ENOX1: variants seen among roughly 807,000 people sequenced by gnomAD.
The protein encoded by ENOX1 is candidate growth-related and time keeping constitutive hydroquinone (NADH) oxidase.
A neutral mutation model predicts 82.5 loss-of-function variants in ENOX1; 42 were observed. The observed-to-expected ratio is 0.51, with a 90% CI of 0.40 to 0.66. The LOEUF is 0.66. ENOX1 is among the 30% of genes least tolerant of loss of function. The pLI is 0.00. For missense variants in ENOX1, 608 were observed against 811.6 expected (o/e 0.75, Z 3.05); for synonymous variants, 271 against 282.2 (o/e 0.96, Z 0.40).
At chr13:43,603,711 A>G (rs973486268) in intron 2 of ENOX1, among the ~76,000 whole-genome samples, 7 of 127,872 alleles carry the variant, frequency 5.5e-5, no homozygotes, top group African/African-American at 2.3e-4. Flanking sequence ...TACAAAGGAC[A>G]TGAACTCATC....
chr13:43,610,326 T>G (rs553887697), intron 2 of ENOX1, among the ~76,000 whole-genome samples: 1 of 152,322 alleles, frequency 6.6e-6, no homozygotes, highest in Admixed American at 6.5e-5. Context: ...TGTATTCAAC[T>G]GTGTATGCTT....
intron 2 of ENOX1, among the ~76,000 whole-genome samples, chr13:43,608,818 T>A (rs1041464832): frequency 5.3e-5 from 8 of 152,162 alleles, no homozygotes; most frequent in Non-Finnish European, 8.8e-5. Context: ...GGTATACAGG[T>A]AGCAACAGCT....
Position 43,459,764 on chromosome 13 carries a change from C to T in ENOX1, c.-75+24245G>A, listed in dbSNP as rs539303599. ...ATCCCAGCACTTTGGGAGGCTGAGACGGGTGGATCACGAGGTCAGGAGTCT... is the reference window on the plus strand; with the variant it reads ...ATCCCAGCACTTTGGGAGGCTGAGATGGGTGGATCACGAGGTCAGGAGTCT... On this transcript the variant is annotated intron_variant, in intron 3 of 16. Coordinates refer to ENST00000690772, the MANE Select transcript of ENOX1 (RefSeq NM_001347969.2). Among the ~76,000 whole-genome samples, 785 of 152,216 alleles carry T rather than the reference C, an allele frequency of 5.2e-3. 3 individuals carry two copies. Among genetic ancestry groups the T allele is most frequent in the Non-Finnish European group, 7.8e-3 (528 of 67,998 alleles).
At chr13:43,686,747 G>T (rs1013941980) in intron 1 of ENOX1, among the ~76,000 whole-genome samples, 1 of 152,170 alleles carries the variant, frequency 6.6e-6, no homozygotes, top group South Asian at 2.1e-4. Context: ...GGTCAGGGAG[G>T]GGTGGTGACA....
chr13:43,421,728 T>C (rs2054987401), intron 3 of ENOX1, among the ~76,000 whole-genome samples: 1 of 152,086 alleles, frequency 6.6e-6, no homozygotes, highest in Admixed American at 6.6e-5. Context: ...CTCTATCATG[T>C]CTCTAATAAA....
chr13:43,224,502 T>C (rs2041938072), intron 15 of ENOX1, among the ~76,000 whole-genome samples: 1 of 152,224 alleles, frequency 6.6e-6, no homozygotes, highest in Non-Finnish European at 1.5e-5. Flanking sequence ...TTTCTTTCCC[T>C]CAGTGGACTT....
chr13:43,579,953 C>A (rs187179535), intron 2 of ENOX1, among the ~76,000 whole-genome samples: 2 of 152,196 alleles, frequency 1.3e-5, no homozygotes, highest in Non-Finnish European at 2.9e-5. Context: ...CAGATGCCCA[C>A]CAATACAGCC....
chr13:43,774,942 C>T (rs1951831420), intron 1 of ENOX1, among the ~76,000 whole-genome samples: 2 of 152,068 alleles, frequency 1.3e-5, no homozygotes, highest in African/African-American at 4.8e-5. Flanking sequence ...CTCTGCTCCA[C>T]AGGTTCAAGC....
At chr13:43,709,739 A>C (rs2087561369) in intron 1 of ENOX1, among the ~76,000 whole-genome samples, 2 of 152,176 alleles carry the variant, frequency 1.3e-5, no homozygotes, top group African/African-American at 4.8e-5. Context: ...AAACAGAAAT[A>C]ACTACAAACT....
At chr13:43,746,108 C>T (rs1212867645) in intron 1 of ENOX1, among the ~76,000 whole-genome samples, 1 of 151,696 alleles carries the variant, frequency 6.6e-6, no homozygotes, top group African/African-American at 2.4e-5. Flanking sequence ...TTTTAAAAGG[C>T]AAGTGAGAAA....
chr13:43,632,957 C>T (rs907281984), intron 2 of ENOX1, among the ~76,000 whole-genome samples: 1 of 152,056 alleles, frequency 6.6e-6, no homozygotes, highest in South Asian at 2.1e-4. Context: ...TATTTAATAT[C>T]TTGTAAAACA....
At chr13:43,306,774 C>T (rs1278037047) in intron 11 of ENOX1, among the ~76,000 whole-genome samples, 1 of 152,158 alleles carries the variant, frequency 6.6e-6, no homozygotes, top group Non-Finnish European at 1.5e-5. Context: ...CATCAAGAAA[C>T]TTTCCCCTTA....
At chr13:43,418,926 TG>T (rs1397392076) in intron 3 of ENOX1, among the ~76,000 whole-genome samples, 1 of 152,150 alleles carries the variant, frequency 6.6e-6, no homozygotes, top group African/African-American at 2.4e-5. Context: ...GCTTAAAAAA[TG>T]GCACAGGTTT....
chr13:43,269,428 G>T, intron 13 of ENOX1, 42 bp downstream of exon 13: 1 of 1,497,946 alleles, frequency 6.7e-7, no homozygotes, highest in Non-Finnish European at 9.3e-7. Flanking sequence ...GCAATGGGGT[G>T]TTTGGACTGA....
At chr13:43,694,415 C>T (rs1024512740) in intron 1 of ENOX1, among the ~76,000 whole-genome samples, 6 of 152,166 alleles carry the variant, frequency 3.9e-5, no homozygotes, top group Non-Finnish European at 8.8e-5. Flanking sequence ...TGAGTTTATG[C>T]TTTCCCACCT....
chr13:43,640,473 A>G (rs1011618935), intron 2 of ENOX1, among the ~76,000 whole-genome samples: 5 of 152,192 alleles, frequency 3.3e-5, no homozygotes, highest in Non-Finnish European at 7.3e-5. Flanking sequence ...TATTTTCTGC[A>G]TGCCTACAAC....
At chr13:43,591,409 C>A (rs772398624) in intron 2 of ENOX1, among the ~76,000 whole-genome samples, 2 of 152,068 alleles carry the variant, frequency 1.3e-5, no homozygotes, top group Non-Finnish European at 2.9e-5. Context: ...TCTATATAAA[C>A]TCAAAAACAC....
At chr13:43,661,876 G>T (rs980888888) in intron 2 of ENOX1, among the ~76,000 whole-genome samples, 4 of 152,180 alleles carry the variant, frequency 2.6e-5, no homozygotes, top group African/African-American at 9.7e-5. Flanking sequence ...TCTACTATAT[G>T]CAAGGCATGC....
At chr13:43,654,184 AG>A (rs2084322547) in intron 2 of ENOX1, among the ~76,000 whole-genome samples, 1 of 152,196 alleles carries the variant, frequency 6.6e-6, no homozygotes, top group African/African-American at 2.4e-5. Context: ...TCATCTAATC[AG>A]GTGAAGGCCT....
Sources: allele counts gnomAD v4.1 joint callset (sites outside exome capture counted in the v4.1 genomes callset), GRCh38; gene constraint gnomAD v4.1.1; transcripts MANE v1.5; gene names NCBI Gene and HGNC (gene_info 2026-07-23, HGNC 2026-07-21).